The following AKAP3 variants were observed in gnomAD, a reference collection of about 807,000 sequenced individuals.
AKAP3 encodes the protein A-kinase anchor protein 3.
AKAP3 carries 27 observed loss-of-function variants against 57.2 expected under a neutral mutation model. That is an observed-to-expected ratio of 0.47 (90% CI 0.35 to 0.65). The LOEUF (loss-of-function observed/expected upper bound fraction) is 0.65. AKAP3 is among the 30% of genes least tolerant of loss of function. The pLI, the probability that AKAP3 is intolerant of heterozygous loss-of-function variation, is 0.01. For synonymous variants in AKAP3, 334 were observed against 392.3 expected, an observed-to-expected ratio of 0.85 and a Z score of 1.76; for missense variants, 959 against 1,040.0, an observed-to-expected ratio of 0.92 and a Z score of 1.07.
chr12:4,635,650 A>G (rs1945555703), intron 4 of AKAP3: 1 of 787,990 alleles, frequency 1.3e-6, no homozygotes, highest in Non-Finnish European at 2.2e-6. Context: ...CTTTAACCCA[A>G]TTTTTTGCTC....
In AKAP3 at chr12:4,626,508, C is replaced by T; in HGVS notation, c.2394G>A (p.Gly798=). The T allele has an allele frequency of 6.2e-7, 1 of 1,613,512 alleles. No homozygotes were observed. The highest frequency in any genetic ancestry group is 8.5e-7 in the Non-Finnish European group (1 of 1,179,650). ...PILYFAGDDE[G]IQEKLLQLSA... ...CTTTGTTTCTTACCTTCTCCTGGAT[C>T]CCTTCATCATCACCAGCAAAATACA... The change falls in exon 5 of 6, where the codon GGG becomes GGA. Residue 798 remains glycine, a synonymous_variant. Coordinates refer to ENST00000228850, the MANE Select transcript of AKAP3 (RefSeq NM_001278309.2).
intron 3 of AKAP3, among the ~76,000 whole-genome samples, chr12:4,641,405 G>C (rs1341655636): frequency 6.6e-6 from 1 of 152,036 alleles, no homozygotes; most frequent in African/African-American, 2.4e-5. Context: ...GTAGGGACAG[G>C]GTTTCACCAT....
chr12:4,625,383 C>G lies in AKAP3; in HGVS notation c.2406+1113G>C, dbSNP rs539582743. ...GTAGCACGTGTAGTCTTTTTAAGAC[C>G]AAAGTCAAAGACCATACAGTTTCTT... On this transcript the variant is annotated intron_variant, in intron 5 of 5. Coordinates refer to ENST00000228850, the MANE Select transcript of AKAP3 (RefSeq NM_001278309.2). The surrounding 1 kb of genome is among the most constrained non-coding windows in gnomAD (Gnocchi z 5.4). Among the ~76,000 whole-genome samples, 2 of 152,110 alleles carry G rather than the reference C, an allele frequency of 1.3e-5. No homozygotes were observed. The highest frequency in any genetic ancestry group is 2.9e-5 in the Non-Finnish European group (2 of 68,008).
chr12:4,631,341 G>C (rs1945495446), intron 4 of AKAP3: 1 of 701,776 alleles, frequency 1.4e-6, no homozygotes, highest in Non-Finnish European at 2.6e-6. Flanking sequence ...TAAGACGTTT[G>C]TGCTCACATG....
chr12:4,615,965 G>T (rs956774339), intron 5 of AKAP3, 71 bp from the exon 6 acceptor site: 41 of 1,588,096 alleles, frequency 2.6e-5, no homozygotes, highest in Non-Finnish European at 3.3e-5. Flanking sequence ...GCCTGCCAAG[G>T]CTGGAGCAGA....
chr12:4,621,313 G>T (rs1338375587), intron 5 of AKAP3, among the ~76,000 whole-genome samples: 5 of 151,998 alleles, frequency 3.3e-5, no homozygotes, highest in Admixed American at 2.0e-4. Flanking sequence ...AATATTTATT[G>T]TAGCCTAAAT....
At chr12:4,621,612 C>T (rs1945348911) in intron 5 of AKAP3, among the ~76,000 whole-genome samples, 1 of 152,100 alleles carries the variant, frequency 6.6e-6, no homozygotes, top group Non-Finnish European at 1.5e-5. Context: ...GAGCAATAGG[C>T]TATACAATAT....
chr12:4,647,957 ATACT>A (rs1945719046), intron 1 of AKAP3: 1 of 152,186 alleles, frequency 6.6e-6, no homozygotes. Context: ...CCAGAAACAC[ATACT>A]TTTCCTGAAA....
In AKAP3 at chr12:4,615,699, G is replaced by A; in HGVS notation, c.*40C>T. On this transcript the variant is annotated 3_prime_UTR_variant, in exon 6 of 6. Coordinates refer to ENST00000228850, the MANE Select transcript of AKAP3 (RefSeq NM_001278309.2). Reference sequence around the variant, plus strand: ...GAAAGAAGGGCGGGGATAAGGGCCGGCCCCACTGCCAGAAGAGGGGAAAGC... The same window carrying A: ...GAAAGAAGGGCGGGGATAAGGGCCGACCCCACTGCCAGAAGAGGGGAAAGC... 4 of 1,598,848 alleles carry A rather than the reference G, an allele frequency of 2.5e-6. No individual in the cohort carries two copies. Among genetic ancestry groups the A allele is most frequent in the Non-Finnish European group, 3.4e-6 (4 of 1,169,466 alleles).
intron 5 of AKAP3, among the ~76,000 whole-genome samples, chr12:4,618,479 A>G (rs1215358418): frequency 6.6e-6 from 1 of 152,338 alleles, no homozygotes; most frequent in East Asian, 1.9e-4. Context: ...TAGATCATAG[A>G]CCTAAACATA....
intron 1 of AKAP3, 93 bp downstream of exon 1, chr12:4,648,651 CT>C (rs4147698): frequency 0.31 from 47,997 of 154,104 alleles, 7,767 homozygotes; most frequent in Middle Eastern, 0.4. Flanking sequence ...CTCTTCTCCA[CT>C]TTTCCCCTCG....
intron 3 of AKAP3, among the ~76,000 whole-genome samples, chr12:4,639,905 C>A (rs1243958645): frequency 6.6e-6 from 1 of 151,446 alleles, no homozygotes; most frequent in Non-Finnish European, 1.5e-5. Flanking sequence ...CAAGCTCCGC[C>A]TCCTGGGTTC....
chr12:4,634,464 C>T (rs1206031774), intron 4 of AKAP3, among the ~76,000 whole-genome samples: 1 of 152,020 alleles, frequency 6.6e-6, no homozygotes, highest in Non-Finnish European at 1.5e-5. Context: ...AGCTGAAGAT[C>T]GAATTTAAAA....
chr12:4,624,944 A>ATG (rs1945393992), intron 5 of AKAP3, among the ~76,000 whole-genome samples: 1 of 152,072 alleles, frequency 6.6e-6, no homozygotes, highest in Non-Finnish European at 1.5e-5. Flanking sequence ...TGTATTATGT[A>ATG]TGTTATATAT....
At position 4,623,196 on chromosome 12, in the gene AKAP3, T is replaced by C. The variant is rs142757025; in HGVS notation, c.2406+3300A>G. Among the ~76,000 whole-genome samples, 275 of 152,298 alleles carry C rather than the reference T, an allele frequency of 1.8e-3. 2 individuals carry two copies. The highest frequency in any genetic ancestry group is 6.4e-3 in the African/African-American group (268 of 41,566). The stretch of plus-strand genomic sequence containing the variant: ...AGCTCAACCATTGTCAAAAGCAGTG[T>C]GGCAATTCCTCAAAGAGCTAAAAAC... On this transcript the variant is annotated intron_variant, in intron 5 of 5. Transcript: ENST00000228850.
At chr12:4,624,200 G>T (rs1945380270) in intron 5 of AKAP3, among the ~76,000 whole-genome samples, 1 of 151,916 alleles carries the variant, frequency 6.6e-6, no homozygotes, top group East Asian at 1.9e-4. Context: ...AAACATATAT[G>T]ATATATGAAA....
chr12:4,625,025 T>G lies in AKAP3; in HGVS notation c.2406+1471A>C, dbSNP rs1402563760. On this transcript the variant is annotated intron_variant, in intron 5 of 5. Transcript: ENST00000228850. The surrounding 1 kb of genome is among the most constrained non-coding windows in gnomAD (Gnocchi z 5.4). ...TTACACACCTGAAAGCTATGCTTAC[T>G]TTTAGATTTTTTTCATCAGTTTAAA... 6.7e-6 allele frequency among the ~76,000 whole-genome samples: 1 copy of G among 149,748 alleles called. No individual in the cohort carries two copies. Among genetic ancestry groups the G allele is most frequent in the East Asian group, 2.1e-4 (1 of 4,760 alleles).
At chr12:4,637,286 G>A (rs1945578430) in intron 4 of AKAP3, among the ~76,000 whole-genome samples, 1 of 152,202 alleles carries the variant, frequency 6.6e-6, no homozygotes, top group African/African-American at 2.4e-5. Flanking sequence ...TGTCGACAGA[G>A]GGTACTGGGG....
intron 5 of AKAP3, among the ~76,000 whole-genome samples, chr12:4,624,311 C>T (rs1945382053): frequency 7.5e-6 from 1 of 133,996 alleles, no homozygotes; most frequent in South Asian, 2.6e-4. Flanking sequence ...TAATTTGTGA[C>T]TTTACGTGTG....
Sources: allele counts gnomAD v4.1 joint callset (sites outside exome capture counted in the v4.1 genomes callset), GRCh38; gene constraint gnomAD v4.1.1; non-coding constraint Gnocchi (gnomAD v3.1); transcripts MANE v1.5; gene names NCBI Gene and HGNC (gene_info 2026-07-23, HGNC 2026-07-21).